ATP2B2: variants seen among roughly 807,000 people sequenced by gnomAD.
ATP2B2 encodes the protein plasma membrane calcium-transporting ATPase 2.
ATP2B2 carries 15 observed loss-of-function variants against 120.0 expected under a neutral mutation model. The observed-to-expected ratio is 0.12, with a 90% CI of 0.08 to 0.19. The LOEUF (loss-of-function observed/expected upper bound fraction) is 0.19. ATP2B2 is among the 10% of genes least tolerant of loss of function. The probability of loss-of-function intolerance (pLI) is 1.00; values close to 1 mark genes in which losing one functional copy is unlikely to be tolerated. For synonymous variants in ATP2B2, 694 were observed against 700.3 expected (o/e 0.99, Z 0.14); for missense variants, 1,045 against 1,719.8 (o/e 0.61, Z 6.94).
At chr3:10,507,398 C>G (rs538459447), upstream of ATP2B2, among the ~76,000 whole-genome samples, 39 of 152,228 alleles carry the variant, frequency 2.6e-4, no homozygotes, top group African/African-American at 8.2e-4. Flanking sequence ...TCAGCAGTCC[C>G]TAGTCAGCTC....
chr3:10,558,618 G>C (rs1237347608), intron 2 of ATP2B2, among the ~76,000 whole-genome samples: 3 of 152,110 alleles, frequency 2.0e-5, no homozygotes, highest in Non-Finnish European at 2.9e-5. Context: ...TCCTATGACT[G>C]TTCAGTTACT....
intron 3 of ATP2B2, among the ~76,000 whole-genome samples, chr3:10,522,211 T>G (rs565581752): frequency 2.0e-5 from 3 of 152,338 alleles, no homozygotes; most frequent in African/African-American, 7.2e-5. Context: ...CCCGTGTATG[T>G]GTACTGCTGT....
chr3:10,439,756 C>T (rs759847265), intron 2 of ATP2B2, among the ~76,000 whole-genome samples: 10 of 152,012 alleles, frequency 6.6e-5, no homozygotes, highest in Non-Finnish European at 1.0e-4. Flanking sequence ...TGGCTCATGC[C>T]TGTAATCCCA....
intron 1 of ATP2B2, among the ~76,000 whole-genome samples, chr3:10,457,801 G>GA (rs1238099113): frequency 3.5e-5 from 4 of 114,926 alleles, no homozygotes; most frequent in Non-Finnish European, 8.2e-5. Context: ...ACCAGAAAAG[G>GA]AAAATCTAAA....
intron 2 of ATP2B2, among the ~76,000 whole-genome samples, chr3:10,424,411 C>G (rs894902928): frequency 6.6e-6 from 1 of 152,224 alleles, no homozygotes; most frequent in Non-Finnish European, 1.5e-5. Context: ...ACTCTTGAGA[C>G]AGCCTTTTGC....
At chr3:10,576,297 A>T (rs2068245319) in intron 2 of ATP2B2, among the ~76,000 whole-genome samples, 1 of 152,164 alleles carries the variant, frequency 6.6e-6, no homozygotes, top group South Asian at 2.1e-4. Flanking sequence ...GCCTCACTCC[A>T]CACTCCGAGG....
intron 2 of ATP2B2, among the ~76,000 whole-genome samples, chr3:10,422,107 G>A (rs2063000388): frequency 6.6e-6 from 1 of 152,152 alleles, no homozygotes; most frequent in Non-Finnish European, 1.5e-5. Flanking sequence ...TCCCCTAGAG[G>A]GAGGCTGCTT....
In ATP2B2 at chr3:10,629,173, C is replaced by A. The variant is rs114664412; in HGVS notation, c.-459-9212G>T. On this transcript the variant is annotated intron_variant, in intron 1 of 21. Coordinates refer to the ATP2B2 transcript ENST00000646379. Reference sequence around the variant, plus strand: ...GAAAGCACACAGATGGGGAAATATGCGGTACTGCACAGACTGCAGAAGGCA... The same window carrying A: ...GAAAGCACACAGATGGGGAAATATGAGGTACTGCACAGACTGCAGAAGGCA... Among the ~76,000 whole-genome samples the A allele has an allele frequency of 9.7e-3, 1,481 of 152,228 alleles. 11 individuals are homozygous for A. The highest frequency in any genetic ancestry group is 0.02 in the Middle Eastern group (6 of 294).
At chr3:10,334,706 A>G (rs1240014205) in intron 22 of ATP2B2, among the ~76,000 whole-genome samples, 1 of 152,124 alleles carries the variant, frequency 6.6e-6, no homozygotes, top group Non-Finnish European at 1.5e-5. Flanking sequence ...TCCTGCCGCT[A>G]TGGGTCGTGG....
chr3:10,499,481 T>C (rs933857771), intron 1 of ATP2B2, among the ~76,000 whole-genome samples: 1 of 152,166 alleles, frequency 6.6e-6, no homozygotes, highest in African/African-American at 2.4e-5. Flanking sequence ...CAAAAAGCAT[T>C]TGTAAAGTGC....
At chr3:10,426,995 A>G (rs553442739) in intron 2 of ATP2B2, among the ~76,000 whole-genome samples, 1 of 152,346 alleles carries the variant, frequency 6.6e-6, no homozygotes, top group South Asian at 2.1e-4. Context: ...CTGTGATTGC[A>G]TCTGAGTCTC....
chr3:10,667,960 T>C (rs1357724949), intron 1 of ATP2B2, among the ~76,000 whole-genome samples: 3 of 151,882 alleles, frequency 2.0e-5, no homozygotes, highest in African/African-American at 7.2e-5. Flanking sequence ...TGTTGTTTCC[T>C]TTCTAAAAAG....
At chr3:10,609,529 T>C (rs1575553813) in intron 2 of ATP2B2, among the ~76,000 whole-genome samples, 2 of 151,382 alleles carry the variant, frequency 1.3e-5, no homozygotes, top group Non-Finnish European at 2.9e-5. Context: ...TCGGTGGGGG[T>C]TGGATGGTAA....
intron 2 of ATP2B2, among the ~76,000 whole-genome samples, chr3:10,557,680 A>T (rs2067811442): frequency 6.6e-6 from 1 of 152,144 alleles, no homozygotes; most frequent in Non-Finnish European, 1.5e-5. Context: ...AAGTGACTGG[A>T]GTGGGGCCTG....
At chr3:10,669,238 G>A (rs2071029399) in intron 1 of ATP2B2, among the ~76,000 whole-genome samples, 1 of 152,130 alleles carries the variant, frequency 6.6e-6, no homozygotes, top group African/African-American at 2.4e-5. Context: ...CTTGAACCCA[G>A]GGCCACATCT....
intron 1 of ATP2B2, among the ~76,000 whole-genome samples, chr3:10,479,928 A>G (rs2125315905): frequency 6.6e-6 from 1 of 152,216 alleles, no homozygotes; most frequent in South Asian, 2.1e-4. Context: ...TTGTCTCTCA[A>G]TACAAAAATT....
intron 22 of ATP2B2, among the ~76,000 whole-genome samples, chr3:10,332,537 C>G (rs1269933173): frequency 6.6e-6 from 1 of 152,192 alleles, no homozygotes; most frequent in Non-Finnish European, 1.5e-5. Flanking sequence ...GCCCTTCTCC[C>G]CAGTCTTGGC....
At chr3:10,605,234 C>T (rs529392392) in intron 2 of ATP2B2, among the ~76,000 whole-genome samples, 13 of 152,278 alleles carry the variant, frequency 8.5e-5, no homozygotes, top group South Asian at 4.2e-4. Context: ...AAGAAAATAG[C>T]GACAACAATA....
intron 1 of ATP2B2, among the ~76,000 whole-genome samples, chr3:10,660,573 C>G (rs1221156168): frequency 6.6e-6 from 1 of 152,114 alleles, no homozygotes. Flanking sequence ...CTGAATAGAC[C>G]AATAACAGGC....
Sources: gnomAD v4.1 joint callset for allele counts (sites outside exome capture counted in the v4.1 genomes callset) on GRCh38, gnomAD v4.1.1 for gene constraint, MANE v1.5 for transcripts, NCBI Gene and HGNC (gene_info 2026-07-23, HGNC 2026-07-21) for gene names.